The following GHR variants were observed in gnomAD, a reference collection of about 807,000 sequenced individuals.
GHR encodes the protein GH receptor.
Under a neutral mutation model 67.1 loss-of-function variants are expected in GHR, and 35 were observed. The observed-to-expected ratio is 0.52, with a 90% CI of 0.40 to 0.69. The LOEUF is 0.69. Among genes scored for constraint, GHR ranks in the 30% least tolerant of loss-of-function variants. The pLI is 0.00. For missense variants in GHR, 792 were observed against 764.6 expected (o/e 1.04, Z -0.42); for synonymous variants, 272 against 269.1 (o/e 1.01, Z -0.10).
chr5:42,586,455 G>T (rs1751480165), intron 2 of GHR, among the ~76,000 whole-genome samples: 1 of 152,166 alleles, frequency 6.6e-6, no homozygotes, highest in Non-Finnish European at 1.5e-5. Flanking sequence ...CTTTGCATGG[G>T]TAATTCTTCT....
chr5:42,567,347 T>C (rs1300583680), intron 2 of GHR, among the ~76,000 whole-genome samples: 4 of 152,240 alleles, frequency 2.6e-5, no homozygotes, highest in African/African-American at 4.8e-5. Flanking sequence ...AACTAGAAAG[T>C]CTGCAAGGAG....
chr5:42,645,331 G>A (rs1754675978), intron 3 of GHR, among the ~76,000 whole-genome samples: 1 of 152,144 alleles, frequency 6.6e-6, no homozygotes, highest in Admixed American at 6.5e-5. Context: ...ATATTTCTTA[G>A]AGCTGAAATC....
chr5:42,708,968 ATAT>A (rs1758317142), intron 6 of GHR, among the ~76,000 whole-genome samples: 2 of 152,238 alleles, frequency 1.3e-5, no homozygotes, highest in Admixed American at 1.3e-4. Context: ...AGGGGCTTAT[ATAT>A]AATAATTTAT....
chr5:42,664,518 T>A (rs548044357), intron 3 of GHR, among the ~76,000 whole-genome samples: 6 of 152,266 alleles, frequency 3.9e-5, no homozygotes, highest in African/African-American at 1.4e-4. Flanking sequence ...TAATAAATGG[T>A]GCTGGGAAAA....
chr5:42,561,849 A>T (rs907518688), intron 1 of GHR, among the ~76,000 whole-genome samples: 11 of 152,254 alleles, frequency 7.2e-5, no homozygotes, highest in Admixed American at 1.3e-4. Flanking sequence ...AGCTTAAAAA[A>T]CCCAGTGGGC....
chr5:42,600,721 C>G (rs1397613024), intron 2 of GHR, among the ~76,000 whole-genome samples: 2 of 152,110 alleles, frequency 1.3e-5, no homozygotes, highest in Middle Eastern at 3.2e-3. Flanking sequence ...CAAGGCTGTG[C>G]CTAAACTCTT....
intron 1 of GHR, among the ~76,000 whole-genome samples, chr5:42,495,781 G>A (rs1746298174): frequency 1.3e-5 from 2 of 152,118 alleles, no homozygotes; most frequent in African/African-American, 4.8e-5. Context: ...AGGAATCTCA[G>A]ATGCATTTAG....
At chr5:42,553,110 C>CT (rs1749122518) in intron 1 of GHR, among the ~76,000 whole-genome samples, 1 of 152,160 alleles carries the variant, frequency 6.6e-6, no homozygotes, top group African/African-American at 2.4e-5. Flanking sequence ...TAGTAGTTTT[C>CT]TATTGCTTCC....
intron 1 of GHR, among the ~76,000 whole-genome samples, chr5:42,472,513 A>G (rs1745057429): frequency 6.6e-6 from 1 of 152,236 alleles, no homozygotes. Flanking sequence ...GAATACTGGC[A>G]GGGCAAGAAA....
At chr5:42,562,902 G>GC (rs1286106239) in intron 1 of GHR, among the ~76,000 whole-genome samples, 2 of 152,038 alleles carry the variant, frequency 1.3e-5, no homozygotes, top group African/African-American at 4.8e-5. Flanking sequence ...GCCTGCCTCG[G>GC]CCCCCCAAAG....
At chr5:42,467,048 T>C in intron 1 of GHR, 1 of 1,567,666 alleles carries the variant, frequency 6.4e-7, no homozygotes, top group Non-Finnish European at 8.7e-7. Flanking sequence ...TCATTACACA[T>C]GTAAGGTTTT....
rs1056350396 is a variant in GHR at position 42,718,766 on chromosome 5, A to C, written c.1259A>C (p.Glu420Ala). 2 of 1,614,022 alleles carry C rather than the reference A, an allele frequency of 1.2e-6. No homozygotes were observed. Among genetic ancestry groups the C allele is most frequent in the African/African-American group, 2.7e-5 (2 of 74,910 alleles). The change falls in exon 10 of 10, where the codon GAA (glutamate) becomes GCA (alanine). Residue 420 changes from glutamate to alanine, a missense_variant. Glu to Ala is a moderately radical substitution (Grantham distance 107). Coordinates refer to ENST00000230882, the MANE Select transcript of GHR (RefSeq NM_000163.5). ...EVAQPQRLKG[E>A]ADLLCLDQKN... is the part of the protein sequence containing the mutation. Reference sequence around the variant, plus strand: ...GCTCAGCCACAGAGGTTAAAAGGGGAAGCAGATCTCTTATGCCTTGACCAG... The same window carrying C: ...GCTCAGCCACAGAGGTTAAAAGGGGCAGCAGATCTCTTATGCCTTGACCAG...
In GHR at chr5:42,485,136, C is replaced by T. The variant is rs946690440; in HGVS notation, c.-12+61181C>T. On this transcript the variant is annotated intron_variant, in intron 1 of 9. Transcript: ENST00000230882. Reference sequence around the variant, plus strand: ...GGCTGTTGAGCATTGTTTGAAAAATCGATCTGAGAGCTAAATGAGACTCTG... The same window carrying T: ...GGCTGTTGAGCATTGTTTGAAAAATTGATCTGAGAGCTAAATGAGACTCTG... 1.2e-4 allele frequency among the ~76,000 whole-genome samples: 18 copies of T among 152,128 alleles called. No homozygotes were observed. The South Asian group carries it at 1.2e-3, about 11-fold the overall frequency.
intron 1 of GHR, among the ~76,000 whole-genome samples, chr5:42,521,831 C>G (rs1169829276): frequency 6.6e-6 from 1 of 152,136 alleles, no homozygotes; most frequent in Non-Finnish European, 1.5e-5. Flanking sequence ...AAAAATGGAG[C>G]AGTCAATCTT....
At chr5:42,660,455 A>G (rs956765944) in intron 3 of GHR, among the ~76,000 whole-genome samples, 3 of 152,194 alleles carry the variant, frequency 2.0e-5, no homozygotes, top group South Asian at 2.1e-4. Flanking sequence ...AGGTTCATGA[A>G]AATCCGCTGT....
intron 1 of GHR, among the ~76,000 whole-genome samples, chr5:42,497,839 G>A (rs891446443): frequency 1.3e-5 from 2 of 152,166 alleles, no homozygotes; most frequent in African/African-American, 2.4e-5. Flanking sequence ...CCTGTTTACA[G>A]GTGATTTGCA....
At chr5:42,662,776 A>C in intron 3 of GHR, among the ~76,000 whole-genome samples, 1 of 152,234 alleles carries the variant, frequency 6.6e-6, no homozygotes, top group East Asian at 1.9e-4. Context: ...TGAAGGAAAT[A>C]GAGACACAAA....
intron 3 of GHR, among the ~76,000 whole-genome samples, chr5:42,648,425 GGT>G (rs1754852330): frequency 6.6e-6 from 1 of 152,112 alleles, no homozygotes; most frequent in South Asian, 2.1e-4. Context: ...CATGGATGTG[GGT>G]GTGTGAGGTC....
chr5:42,525,187 TG>T (rs1747654140), intron 1 of GHR, among the ~76,000 whole-genome samples: 1 of 152,118 alleles, frequency 6.6e-6, no homozygotes, highest in Non-Finnish European at 1.5e-5. Context: ...AGTCACTCAA[TG>T]CCAGCCCATG....
Sources: allele counts gnomAD v4.1 joint callset (sites outside exome capture counted in the v4.1 genomes callset), GRCh38; gene constraint gnomAD v4.1.1; transcripts MANE v1.5; gene names NCBI Gene and HGNC (gene_info 2026-07-23, HGNC 2026-07-21).